The following FRYL variants were observed in gnomAD, a reference collection of about 807,000 sequenced individuals.
FRYL encodes protein furry homolog-like.
Under a neutral mutation model 351.2 loss-of-function variants are expected in FRYL, and 150 were observed. The ratio of observed to expected loss-of-function variants is 0.43; its 90% CI spans 0.37 to 0.49. The LOEUF is 0.49. FRYL is among the 20% of genes least tolerant of loss of function. The pLI is 0.00. For synonymous variants in FRYL, 1,153 were observed against 1,257.1 expected (o/e 0.92, Z 1.75); for missense variants, 3,036 against 3,619.3 (o/e 0.84, Z 4.13).
chr4:48,658,539 C>T (rs1759723423), intron 3 of FRYL, among the ~76,000 whole-genome samples: 1 of 146,404 alleles, frequency 6.8e-6, no homozygotes, highest in Non-Finnish European at 1.5e-5. Flanking sequence ...GAGTTTGAGA[C>T]CAGCCTGGAC....
At chr4:48,527,794 G>T in intron 52 of FRYL, 141 bp from the exon 53 acceptor site, 1 of 1,000,268 alleles carries the variant, frequency 1.0e-6, no homozygotes, top group Non-Finnish European at 1.5e-6. Context: ...TGTTTAACTA[G>T]TTGAACACAT....
intron 2 of FRYL, among the ~76,000 whole-genome samples, chr4:48,697,660 G>A (rs192673802): frequency 6.6e-6 from 1 of 152,192 alleles, no homozygotes; most frequent in African/African-American, 2.4e-5. Flanking sequence ...TGTATTTTTA[G>A]TAGAGATGGG....
intron 55 of FRYL, among the ~76,000 whole-genome samples, chr4:48,518,439 A>G (rs1724128233): frequency 6.6e-6 from 1 of 152,150 alleles, no homozygotes; most frequent in Non-Finnish European, 1.5e-5. Flanking sequence ...TGAGGCTGCA[A>G]ACCTTCTGTG....
rs111611513 is a variant in FRYL at position 48,515,346 on chromosome 4, T to C, written c.7690-71A>G. 1,036 of 1,103,066 alleles carry C rather than the reference T, an allele frequency of 9.4e-4. 8 individuals carry two copies. The African/African-American group carries it at 0.014, about 15-fold the overall frequency. 68.3% of individuals were successfully genotyped at this position (1,103,066 alleles called of 1,614,324 possible). A position where few individuals can be genotyped will look rare whatever the true frequency, so the allele number is the denominator to read the frequency against. ...AGAATTTTACAACACAATAAATAAG[T>C]ATTGCCATCCATCTAAGTCTGTTTT... On this transcript the variant is annotated intron_variant, in intron 55 of 63. Coordinates refer to ENST00000358350, the MANE Select transcript of FRYL (RefSeq NM_015030.2).
Position 48,512,760 on chromosome 4 carries a change from A to T in FRYL, c.7938-72T>A. Reference sequence around the variant, plus strand: ...AAGAATAGGCTCAATCACGTAAGACAGCTTAAGTCATTTGACAGGTTATTT... The same window carrying T: ...AAGAATAGGCTCAATCACGTAAGACTGCTTAAGTCATTTGACAGGTTATTT... On this transcript the variant is annotated intron_variant, in intron 56 of 63. Coordinates refer to ENST00000358350, the MANE Select transcript of FRYL (RefSeq NM_015030.2). The T allele has an allele frequency of 2.8e-6, 3 of 1,079,472 alleles. No homozygotes were observed. The South Asian group carries it at 4.1e-5, about 15-fold the overall frequency. The allele number at this position is 1,079,472 out of a possible 1,614,324, so 66.9% of individuals were successfully genotyped here.
At chr4:48,584,865 T>C (rs959068136) in intron 19 of FRYL, among the ~76,000 whole-genome samples, 2 of 152,202 alleles carry the variant, frequency 1.3e-5, no homozygotes, top group African/African-American at 4.8e-5. Flanking sequence ...CAATTCCAAA[T>C]GATAAGAAGA....
intron 62 of FRYL, 129 bp from the exon 63 acceptor site, chr4:48,500,349 G>A (rs965161086): frequency 2.8e-5 from 15 of 529,716 alleles, no homozygotes; most frequent in Middle Eastern, 4.0e-4. Flanking sequence ...GTTTGTCTTG[G>A]AAGAAAGGGC....
In FRYL at chr4:48,777,981, T is replaced by C. The variant is rs553872684; in HGVS notation, c.-384+2097A>G. ...CAGAAGGATCGCTTGAGGCCAGGAG[T>C]TGGAGACCAGCCGTCTATACGAAAA... On this transcript the variant is annotated intron_variant, in intron 1 of 63. Transcript: ENST00000358350. 6.4e-4 allele frequency among the ~76,000 whole-genome samples: 97 copies of C among 151,910 alleles called. 1 individual carries two copies. Among genetic ancestry groups the C allele is most frequent in the Middle Eastern group, 3.4e-3 (1 of 294 alleles).
intron 1 of FRYL, among the ~76,000 whole-genome samples, chr4:48,768,948 C>T (rs1560377684): frequency 6.6e-6 from 1 of 152,042 alleles, no homozygotes; most frequent in South Asian, 2.1e-4. Flanking sequence ...CTGGACAACA[C>T]AGCGACGCCC....
intron 1 of FRYL, among the ~76,000 whole-genome samples, chr4:48,752,862 G>C (rs958171532): frequency 6.6e-6 from 1 of 152,172 alleles, no homozygotes; most frequent in African/African-American, 2.4e-5. Flanking sequence ...CTGCCTTTTA[G>C]CACAATGTGA....
chr4:48,606,277 A>G (rs78643963), intron 10 of FRYL, among the ~76,000 whole-genome samples, 161 bp downstream of exon 10: 8 of 146,826 alleles, frequency 5.4e-5, no homozygotes, highest in African/African-American at 1.5e-4. Context: ...TGTCTCAAGG[A>G]AAAAAAAAAA....
At chr4:48,529,954 T>G (rs2148874942) in intron 50 of FRYL, among the ~76,000 whole-genome samples, 1 of 152,300 alleles carries the variant, frequency 6.6e-6, no homozygotes, top group South Asian at 2.1e-4. Context: ...GTTTCTCAGG[T>G]TTCCTTTAGT....
chr4:48,552,670 C>T (rs1422382774), intron 36 of FRYL, among the ~76,000 whole-genome samples: 1 of 151,636 alleles, frequency 6.6e-6, no homozygotes, highest in Non-Finnish European at 1.5e-5. Flanking sequence ...AACATTCTAG[C>T]CGATATGAAA....
At chr4:48,641,550 T>TA (rs1181530132) in intron 3 of FRYL, among the ~76,000 whole-genome samples, 1 of 152,118 alleles carries the variant, frequency 6.6e-6, no homozygotes, top group Admixed American at 6.6e-5. Flanking sequence ...CTTAAGCCAC[T>TA]AATGGCTTAA....
chr4:48,744,895 C>A (rs1772496780), intron 1 of FRYL, among the ~76,000 whole-genome samples: 2 of 152,106 alleles, frequency 1.3e-5, no homozygotes, highest in South Asian at 4.2e-4. Flanking sequence ...GAAAAACAGA[C>A]TTTAAAAAAA....
chr4:48,548,029 A>G (rs1731758096), intron 40 of FRYL, among the ~76,000 whole-genome samples: 1 of 152,152 alleles, frequency 6.6e-6, no homozygotes, highest in Non-Finnish European at 1.5e-5. Flanking sequence ...TTTCTGTTAC[A>G]TAACATAAAA....
At chr4:48,593,097 C>T (rs1743799283) in intron 16 of FRYL, among the ~76,000 whole-genome samples, 2 of 152,004 alleles carry the variant, frequency 1.3e-5, no homozygotes, top group South Asian at 2.1e-4. Flanking sequence ...CAGGATATAA[C>T]ATTCACTTTT....
chr4:48,737,470 G>T (rs1771578388), intron 1 of FRYL, among the ~76,000 whole-genome samples: 2 of 152,078 alleles, frequency 1.3e-5, no homozygotes, highest in Non-Finnish European at 2.9e-5. Flanking sequence ...TATTATTAAA[G>T]AAATTGAATC....
At chr4:48,740,617 C>T (rs1771945832) in intron 1 of FRYL, among the ~76,000 whole-genome samples, 1 of 151,896 alleles carries the variant, frequency 6.6e-6, no homozygotes, top group Non-Finnish European at 1.5e-5. Flanking sequence ...TTTTAAAGGG[C>T]CAGACACATC....
Sources: gnomAD v4.1 joint callset for allele counts (sites outside exome capture counted in the v4.1 genomes callset) on GRCh38, gnomAD v4.1.1 for gene constraint, MANE v1.5 for transcripts, NCBI Gene and HGNC (gene_info 2026-07-23, HGNC 2026-07-21) for gene names.